SLC8A3: variants seen among roughly 807,000 people sequenced by gnomAD.
The protein encoded by SLC8A3 is sodium/calcium exchanger 3.
In SLC8A3, 37 loss-of-function variants were observed where a neutral mutation model predicts 65.4. The ratio of observed to expected loss-of-function variants is 0.57; its 90% CI spans 0.44 to 0.74. The LOEUF (loss-of-function observed/expected upper bound fraction) is 0.74. Among genes scored for constraint, SLC8A3 ranks in the 30% least tolerant of loss-of-function variants. SLC8A3 has a pLI of 0.00. For missense variants in SLC8A3, 1,112 were observed against 1,172.1 expected (o/e 0.95, Z 0.75); for synonymous variants, 461 against 444.5 (o/e 1.04, Z -0.47).
chr14:70,092,946 C>T (rs1594970748), intron 2 of SLC8A3, among the ~76,000 whole-genome samples: 1 of 152,306 alleles, frequency 6.6e-6, no homozygotes, highest in East Asian at 1.9e-4. Flanking sequence ...CATGTCTCTA[C>T]CTCCAGTAGC....
intron 2 of SLC8A3, among the ~76,000 whole-genome samples, chr14:70,132,964 T>G (rs979125668): frequency 7.9e-5 from 12 of 152,182 alleles, no homozygotes; most frequent in Non-Finnish European, 1.6e-4. Context: ...TATCACTAAC[T>G]GTTGTCTTCT....
At chr14:70,117,979 C>T (rs533062757) in intron 2 of SLC8A3, among the ~76,000 whole-genome samples, 34 of 152,228 alleles carry the variant, frequency 2.2e-4, no homozygotes, top group East Asian at 3.8e-4. Context: ...TTCTGCCTTG[C>T]GCCTGACCCT....
At chr14:70,067,373 G>A (rs189316674) in intron 2 of SLC8A3, among the ~76,000 whole-genome samples, 1 of 152,154 alleles carries the variant, frequency 6.6e-6, no homozygotes, top group Non-Finnish European at 1.5e-5. Context: ...CAGAGAACTT[G>A]TCTTTTTTCA....
At chr14:70,122,684 C>A (rs58451769) in intron 2 of SLC8A3, among the ~76,000 whole-genome samples, 18,287 of 152,026 alleles carry the variant, frequency 0.12, 1,259 homozygotes, top group Non-Finnish European at 0.16. Context: ...ACAACAACAA[C>A]AAACAAACAA....
intron 2 of SLC8A3, among the ~76,000 whole-genome samples, chr14:70,066,730 G>A (rs1889473030): frequency 1.3e-5 from 2 of 152,180 alleles, no homozygotes; most frequent in Admixed American, 1.3e-4. Context: ...AGAATTGCTT[G>A]AACCCAAGAG....
Position 70,046,686 on chromosome 14 carries a change from T to A in SLC8A3, c.2390-363A>T, listed in dbSNP as rs1463521288. On this transcript the variant is annotated intron_variant, in intron 6 of 6. Coordinates refer to ENST00000356921, the MANE Select transcript of SLC8A3 (RefSeq NM_182932.3). The surrounding 1 kb of genome is among the most constrained non-coding windows in gnomAD (Gnocchi z 4.2). ...GAACCTTGACACCCTGGGAAGCTGC[T>A]TGGAGTAGATGCCTGATTTTAACTG... The A allele has an allele frequency of 5.0e-6, 1 of 200,452 alleles. No homozygotes were observed. Among genetic ancestry groups the A allele is most frequent in the Admixed American group, 5.3e-5 (1 of 18,948 alleles). 12.4% of individuals were successfully genotyped at this position (200,452 alleles called of 1,614,324 possible).
chr14:70,111,307 A>T (rs965866109), intron 2 of SLC8A3, among the ~76,000 whole-genome samples: 11 of 152,234 alleles, frequency 7.2e-5, no homozygotes, highest in African/African-American at 2.4e-4. Context: ...CTGCCATGAC[A>T]GTCCACAAAT....
In SLC8A3 at chr14:70,051,978, T is replaced by G; in HGVS notation, c.2013+12A>C. 6.2e-7 allele frequency: 1 copy of G among 1,611,848 alleles called. No homozygotes were observed. Among genetic ancestry groups the G allele is most frequent in the East Asian group, 2.2e-5 (1 of 44,744 alleles). ...TATTTATTATTCAATTAGACCTCAC[T>G]GTTTGCCTGACCTTGAACTCATAGG... On this transcript the variant is annotated intron_variant, in intron 4 of 6. Coordinates refer to ENST00000356921, the MANE Select transcript of SLC8A3 (RefSeq NM_182932.3).
intron 3 of SLC8A3, chr14:70,055,778 G>T (rs1467996507): frequency 6.2e-7 from 1 of 1,603,820 alleles, no homozygotes. Flanking sequence ...GAAAAGAGGG[G>T]GACAAGACAC....
intron 2 of SLC8A3, among the ~76,000 whole-genome samples, chr14:70,079,501 T>TAA (rs536208237): frequency 1.3e-5 from 2 of 149,292 alleles, no homozygotes; most frequent in African/African-American, 4.9e-5. Flanking sequence ...AGACTCCATC[T>TAA]AAAAAAAAAA....
chr14:70,123,613 C>A (rs1443133373), intron 2 of SLC8A3, among the ~76,000 whole-genome samples: 1 of 152,002 alleles, frequency 6.6e-6, no homozygotes, highest in Non-Finnish European at 1.5e-5. Context: ...CCACACCCGG[C>A]TAATTTTTCT....
chr14:70,150,316 C>T (rs1184731086), intron 2 of SLC8A3, among the ~76,000 whole-genome samples: 1 of 152,160 alleles, frequency 6.6e-6, no homozygotes, highest in Non-Finnish European at 1.5e-5. Context: ...TCCTCTAGTT[C>T]AGGTCACCAA....
At chr14:70,080,408 G>A (rs1890951665) in intron 2 of SLC8A3, among the ~76,000 whole-genome samples, 1 of 152,164 alleles carries the variant, frequency 6.6e-6, no homozygotes, top group Non-Finnish European at 1.5e-5. Context: ...GATGCAGTAA[G>A]GAGACAGGAG....
chr14:70,154,216 A>G (rs1040272993), intron 2 of SLC8A3, among the ~76,000 whole-genome samples: 7 of 152,250 alleles, frequency 4.6e-5, no homozygotes, highest in African/African-American at 1.7e-4. Flanking sequence ...TCATAACCTT[A>G]TTCTCATGCT....
At chr14:70,139,170 C>A (rs1350903418) in intron 2 of SLC8A3, among the ~76,000 whole-genome samples, 1 of 152,148 alleles carries the variant, frequency 6.6e-6, no homozygotes, top group Non-Finnish European at 1.5e-5. Context: ...CCTTCCCAGT[C>A]TATAAAATAG....
chr14:70,109,322 A>G (rs1893114598), intron 2 of SLC8A3, among the ~76,000 whole-genome samples: 1 of 148,610 alleles, frequency 6.7e-6, no homozygotes. Flanking sequence ...CACATTATAT[A>G]TATACACACA....
intron 2 of SLC8A3, among the ~76,000 whole-genome samples, chr14:70,162,735 C>T (rs1196739122): frequency 6.6e-6 from 1 of 152,182 alleles, no homozygotes. Context: ...CCATAATTCT[C>T]AAGAAGTGAC....
intron 2 of SLC8A3, among the ~76,000 whole-genome samples, chr14:70,147,977 T>C (rs1056783304): frequency 6.6e-6 from 1 of 152,238 alleles, no homozygotes; most frequent in Non-Finnish European, 1.5e-5. Context: ...ACAGACAGGA[T>C]TCCTGACTCA....
chr14:70,167,627 G>A lies in SLC8A3; in HGVS notation c.796C>T (p.Arg266Cys), dbSNP rs370160480. 19 of 1,613,946 alleles carry A rather than the reference G, an allele frequency of 1.2e-5. No homozygotes were observed. The highest frequency in any genetic ancestry group is 5.3e-5 in the African/African-American group (4 of 74,886). ...ATAATTCCTCGGTGTTTGTCTGTGC[G>A]GTACTTTTTGTGCATGTATTTGTAG... Reference protein sequence around the residue: ...LFYKYMHKKYRTDKHRGIIIE... With the variant: ...LFYKYMHKKYCTDKHRGIIIE... The change falls in exon 2 of 7, where the codon CGC (arginine) becomes TGC (cysteine). Residue 266 changes from arginine to cysteine, a missense_variant. Physicochemically the swap from Arg to Cys is radical, Grantham distance 180 (BLOSUM62 -3). Coordinates refer to ENST00000356921, the MANE Select transcript of SLC8A3 (RefSeq NM_182932.3).
Sources: gnomAD v4.1 joint callset for allele counts (sites outside exome capture counted in the v4.1 genomes callset) on GRCh38, gnomAD v4.1.1 for gene constraint, Gnocchi (gnomAD v3.1) non-coding constraint, MANE v1.5 for transcripts, NCBI Gene and HGNC (gene_info 2026-07-23, HGNC 2026-07-21) for gene names.